The following FAM83F variants were observed in gnomAD, a reference collection of about 807,000 sequenced individuals.
FAM83F encodes the protein protein FAM83F.
In FAM83F, 45 loss-of-function variants were observed where a neutral mutation model predicts 42.9. The ratio of observed to expected loss-of-function variants is 1.05; its 90% CI spans 0.83 to 1.35. The LOEUF (loss-of-function observed/expected upper bound fraction) is 1.35. Among genes scored for constraint, FAM83F ranks in the 40% most tolerant of loss-of-function variants. The probability of loss-of-function intolerance (pLI) is 0.00; values close to 1 mark genes in which losing one functional copy is unlikely to be tolerated. For synonymous variants in FAM83F, 306 were observed against 298.3 expected (o/e 1.03, Z -0.27); for missense variants, 617 against 695.9 (o/e 0.89, Z 1.28).
At chr22:40,020,385 C>T (rs971422571) in intron 3 of FAM83F, among the ~76,000 whole-genome samples, 4 of 121,776 alleles carry the variant, frequency 3.3e-5, no homozygotes, top group South Asian at 2.6e-4. Context: ...TTTTTTGAGA[C>T]GGAGTCTTGC....
chr22:40,041,193 G>A lies in FAM83F; in HGVS notation c.*11628G>A, dbSNP rs938538276. 2.0e-5 allele frequency: 3 copies of A among 152,302 alleles called. No homozygotes were observed. The highest frequency in any genetic ancestry group is 3.4e-3 in the Middle Eastern group (1 of 294). The allele number at this position is 152,302 out of a possible 1,614,324, so 9.4% of individuals were successfully genotyped here. A position where few individuals can be genotyped will look rare whatever the true frequency, so the allele number is the denominator to read the frequency against. On this transcript the variant is annotated 3_prime_UTR_variant, in exon 5 of 5. Transcript: ENST00000333407. ...CTGTATAGAACACCACATATAGAGC[G>A]CTAAGAATAGCACAGCGCTCCAAGA...
Position 40,035,409 on chromosome 22 carries a change from C to A in FAM83F, c.*5844C>A, listed in dbSNP as rs1296586123. ...AAACCATGCGTCATGATTCTTATTTCCTGCTCGCAGCTTTGACTCTCTGCC... is the reference window on the plus strand; with the variant it reads ...AAACCATGCGTCATGATTCTTATTTACTGCTCGCAGCTTTGACTCTCTGCC... On this transcript the variant is annotated 3_prime_UTR_variant, in exon 5 of 5. Coordinates refer to ENST00000333407, the MANE Select transcript of FAM83F (RefSeq NM_138435.4). The A allele has an allele frequency of 6.6e-6, 1 of 152,220 alleles. No homozygotes were observed. Among genetic ancestry groups the A allele is most frequent in the Non-Finnish European group, 1.5e-5 (1 of 68,066 alleles). 9.4% of individuals were successfully genotyped at this position (152,220 alleles called of 1,614,324 possible).
chr22:40,008,339 G>C (rs1040916744), intron 1 of FAM83F, among the ~76,000 whole-genome samples: 2 of 152,186 alleles, frequency 1.3e-5, no homozygotes, highest in African/African-American at 4.8e-5. Flanking sequence ...TGAAGTGGTG[G>C]CCCCTTTGTT....
intron 1 of FAM83F, among the ~76,000 whole-genome samples, chr22:40,002,679 G>A (rs780075927): frequency 3.3e-5 from 5 of 152,114 alleles, no homozygotes; most frequent in Non-Finnish European, 7.4e-5. Context: ...GCTTTGCTGG[G>A]CCTCTGTTTC....
intron 1 of FAM83F, among the ~76,000 whole-genome samples, chr22:40,008,204 G>A (rs1437984014): frequency 6.6e-6 from 1 of 152,216 alleles, no homozygotes; most frequent in Non-Finnish European, 1.5e-5. Flanking sequence ...TGCTGGGCAC[G>A]GCATTGAGCA....
At chr22:39,999,089 G>A (rs1316296454) in intron 1 of FAM83F, 8 of 152,272 alleles carry the variant, frequency 5.3e-5, no homozygotes, top group Non-Finnish European at 1.2e-4. Context: ...TTAGTGGAAA[G>A]CAGATACCTA....
At chr22:40,009,180 C>T (rs1361286800) in intron 1 of FAM83F, among the ~76,000 whole-genome samples, 2 of 152,178 alleles carry the variant, frequency 1.3e-5, no homozygotes, top group African/African-American at 2.4e-5. Context: ...CGGCCCCAGG[C>T]GCACATGGGT....
chr22:39,995,612 C>A lies in FAM83F; in HGVS notation c.489+81C>A. Reference sequence around the variant, plus strand: ...CCGGGCCCCACCTCCCAGGCAGGGCCCGGGGCAGGCCGCCCTGAGCACCCT... The same window carrying A: ...CCGGGCCCCACCTCCCAGGCAGGGCACGGGGCAGGCCGCCCTGAGCACCCT... On this transcript the variant is annotated intron_variant, in intron 1 of 4. Coordinates refer to ENST00000333407, the MANE Select transcript of FAM83F (RefSeq NM_138435.4). This position sits in a 1 kb window ranked among gnomAD's most constrained non-coding sequence, Gnocchi z 4.6. 6.9e-7 allele frequency: 1 copy of A among 1,442,792 alleles called. No individual in the cohort carries two copies. Among genetic ancestry groups the A allele is most frequent in the South Asian group, 1.4e-5 (1 of 68,986 alleles). 89.4% of individuals were successfully genotyped at this position (1,442,792 alleles called of 1,614,324 possible). A position where few individuals can be genotyped will look rare whatever the true frequency, so the allele number is the denominator to read the frequency against.
chr22:40,019,660 G>A (rs546871652), intron 2 of FAM83F, among the ~76,000 whole-genome samples: 1 of 152,314 alleles, frequency 6.6e-6, no homozygotes, highest in Admixed American at 6.5e-5. Flanking sequence ...TTGAGAAGAG[G>A]CAGGAACCAC....
At chr22:40,011,875 G>A (rs1183683484) in intron 1 of FAM83F, among the ~76,000 whole-genome samples, 1 of 152,114 alleles carries the variant, frequency 6.6e-6, no homozygotes, top group East Asian at 1.9e-4. Flanking sequence ...AGATTCCCAG[G>A]GGTGCACGGC....
At chr22:39,996,710 AGGGGTGATTTAGGTAGTT>A (rs1213515987) in intron 1 of FAM83F, among the ~76,000 whole-genome samples, 3 of 152,180 alleles carry the variant, frequency 2.0e-5, no homozygotes, top group African/African-American at 7.2e-5. Context: ...TCTTCCTGGA[AGGGGTGATTTAGGTAGTT>A]GGGGTGATCT....
chr22:40,021,425 C>G lies in FAM83F; in HGVS notation c.915C>G (p.Ser305Arg), dbSNP rs756046306. ...AGGTGGACTTGTACCGGCAGCTGAG[C>G]CTGGCGGGCAGGGTTGGCCTCCATT... Reference protein sequence around the residue: ...SEEVDLYRQLSLAGRVGLHYS... With the variant: ...SEEVDLYRQLRLAGRVGLHYS... Residue 305 changes from serine to arginine, a missense_variant, in exon 4 of 5, where the codon AGC becomes AGG. Physicochemically the swap from Ser to Arg is moderately radical, Grantham distance 110 (BLOSUM62 -1). Transcript: ENST00000333407. The surrounding 1 kb of genome is among the most constrained non-coding windows in gnomAD (Gnocchi z 8.7). 1.2e-6 allele frequency: 2 copies of G among 1,613,646 alleles called. No individual in the cohort carries two copies. The highest frequency in any genetic ancestry group is 1.7e-6 in the Non-Finnish European group (2 of 1,179,732).
At chr22:40,008,181 C>T (rs141981346) in intron 1 of FAM83F, among the ~76,000 whole-genome samples, 20 of 152,330 alleles carry the variant, frequency 1.3e-4, no homozygotes, top group Non-Finnish European at 2.5e-4. Context: ...TAATCAGCAC[C>T]GTTGGCAGGG....
chr22:40,014,690 G>A (rs1302300799), intron 1 of FAM83F, among the ~76,000 whole-genome samples: 11 of 150,882 alleles, frequency 7.3e-5, no homozygotes, highest in South Asian at 4.2e-4. Context: ...CTTTTTTGTC[G>A]GTTTTGCCAG....
At chr22:39,998,037 A>C (rs1346562778) in intron 1 of FAM83F, 2 of 152,098 alleles carry the variant, frequency 1.3e-5, no homozygotes, top group Non-Finnish European at 2.9e-5. Context: ...GTTCTAGAAA[A>C]ACCCAGCTTC....
Position 40,034,878 on chromosome 22 carries a change from T to C in FAM83F, c.*5313T>C, listed in dbSNP as rs912283088. 4 of 152,214 alleles carry C rather than the reference T, an allele frequency of 2.6e-5. No individual in the cohort carries two copies. Among genetic ancestry groups the C allele is most frequent in the African/African-American group, 9.6e-5 (4 of 41,452 alleles). The allele number at this position is 152,214 out of a possible 1,614,324, so 9.4% of individuals were successfully genotyped here. A position where few individuals can be genotyped will look rare whatever the true frequency, so the allele number is the denominator to read the frequency against. ...AAAAGTCCCTCCTGATCTAATCCTT[T>C]CCTCTAGGAAGGCTTCTCCTTTCTT... On this transcript the variant is annotated 3_prime_UTR_variant, in exon 5 of 5. Coordinates refer to ENST00000333407, the MANE Select transcript of FAM83F (RefSeq NM_138435.4).
At position 40,041,618 on chromosome 22, in the gene FAM83F, G is replaced by T. The variant is rs745511601; in HGVS notation, c.*12053G>T. On this transcript the variant is annotated 3_prime_UTR_variant, in exon 5 of 5. Transcript: ENST00000333407. ...CTATAAGTATAGAAAGCGAGGGCAGGTTCCATCCAAAGCCGCAGTTCTGGG... is the reference window on the plus strand; with the variant it reads ...CTATAAGTATAGAAAGCGAGGGCAGTTTCCATCCAAAGCCGCAGTTCTGGG... The T allele has an allele frequency of 5.9e-5, 9 of 152,150 alleles. No homozygotes were observed. Among genetic ancestry groups the T allele is most frequent in the Admixed American group, 1.3e-4 (2 of 15,272 alleles). The allele number at this position is 152,150 out of a possible 1,614,324, so 9.4% of individuals were successfully genotyped here.
At chr22:40,024,412 C>T (rs1428839300) in intron 4 of FAM83F, among the ~76,000 whole-genome samples, 2 of 152,230 alleles carry the variant, frequency 1.3e-5, no homozygotes, top group African/African-American at 4.8e-5. Context: ...GCCAGGACTG[C>T]ATGTGTGAGA....
intron 1 of FAM83F, 152 bp from the exon 2 acceptor site, chr22:40,019,016 A>G (rs2145718983): frequency 1.2e-6 from 1 of 850,542 alleles, no homozygotes; most frequent in Non-Finnish European, 1.8e-6. Flanking sequence ...ATGCTCAAAG[A>G]TCGGGGGACG....
Sources: gnomAD v4.1 joint callset for allele counts (sites outside exome capture counted in the v4.1 genomes callset) on GRCh38, gnomAD v4.1.1 for gene constraint, Gnocchi (gnomAD v3.1) non-coding constraint, MANE v1.5 for transcripts, NCBI Gene and HGNC (gene_info 2026-07-23, HGNC 2026-07-21) for gene names.